Variants in GABRB1 observed in about 807,000 individuals in gnomAD.
GABRB1 encodes the protein gamma-aminobutyric acid type A receptor subunit beta1, also known as gamma-aminobutyric acid receptor subunit beta-1.
Under a neutral mutation model 51.6 loss-of-function variants are expected in GABRB1, and 17 were observed. The ratio of observed to expected loss-of-function variants is 0.33; its 90% confidence interval spans 0.23 to 0.49. GABRB1 has a LOEUF of 0.49. Ranked by LOEUF, GABRB1 falls within the 20% of genes least tolerant of loss-of-function variation. The pLI, the probability that GABRB1 is intolerant of heterozygous loss-of-function variation, is 0.99. For synonymous variants in GABRB1, 247 were observed against 218.9 expected, an observed-to-expected ratio of 1.13 and a Z score of -1.14; for missense variants, 410 against 600.6, an observed-to-expected ratio of 0.68 and a Z score of 3.32.
intron 4 of GABRB1, among the ~76,000 whole-genome samples, chr4:47,260,373 T>C (rs1465131182): frequency 5.3e-5 from 8 of 152,198 alleles, no homozygotes; most frequent in Non-Finnish European, 1.0e-4. Context: ...GTCATTATGA[T>C]GTTAGCTGGT....
rs774168539 is a variant in GABRB1, at chr4:47,070,270, G to A, written c.240+37786G>A. Among the ~76,000 whole-genome samples the A allele has an allele frequency of 2.4e-4, 36 of 151,680 alleles. No homozygotes were observed. In the East Asian group the frequency reaches 2.5e-3, roughly 11 times the overall value. On this transcript the variant is annotated intron_variant, in intron 3 of 8. Transcript: ENST00000295454. The stretch of plus-strand genomic sequence containing the variant: ...AGCCTGGTCTCAAACTCCTGACCTC[G>A]TGAGATCCACCTGCCTTGGCCTCCC...
chr4:47,390,386 C>A (rs1490321594), intron 5 of GABRB1, among the ~76,000 whole-genome samples: 1 of 152,214 alleles, frequency 6.6e-6, no homozygotes, highest in Non-Finnish European at 1.5e-5. Context: ...CATTTACGTA[C>A]AAGACTAGAC....
At chr4:47,236,242 A>T (rs1006902240) in intron 4 of GABRB1, among the ~76,000 whole-genome samples, 3 of 152,148 alleles carry the variant, frequency 2.0e-5, no homozygotes, top group Admixed American at 6.5e-5. Context: ...AACATCATTT[A>T]TTCTAAGACA....
intron 5 of GABRB1, among the ~76,000 whole-genome samples, chr4:47,380,459 G>A (rs1727555061): frequency 6.6e-6 from 1 of 152,170 alleles, no homozygotes; most frequent in Admixed American, 6.5e-5. Flanking sequence ...AAGCAATCTA[G>A]ATAAGGGATA....
intron 5 of GABRB1, among the ~76,000 whole-genome samples, chr4:47,395,440 C>A (rs886240061): frequency 1.3e-5 from 2 of 152,184 alleles, no homozygotes; most frequent in Admixed American, 1.3e-4. Flanking sequence ...AAAATCCACA[C>A]CCATAATCCA....
intron 3 of GABRB1, among the ~76,000 whole-genome samples, chr4:47,127,315 T>G (rs962499719): frequency 6.6e-6 from 1 of 151,808 alleles, no homozygotes; most frequent in Admixed American, 6.6e-5. Context: ...AATATATAGA[T>G]ATATGTGTGT....
At chr4:47,300,516 A>T (rs1000315379) in intron 4 of GABRB1, among the ~76,000 whole-genome samples, 1 of 152,160 alleles carries the variant, frequency 6.6e-6, no homozygotes, top group African/African-American at 2.4e-5. Context: ...TATTTTATTT[A>T]TATTAGCACT....
At chr4:47,083,995 C>G (rs1339195802) in intron 3 of GABRB1, among the ~76,000 whole-genome samples, 1 of 152,058 alleles carries the variant, frequency 6.6e-6, no homozygotes, top group East Asian at 1.9e-4. Flanking sequence ...GAAAAAATAT[C>G]TGTAAAAGAA....
intron 3 of GABRB1, among the ~76,000 whole-genome samples, chr4:47,109,388 G>GA (rs1217454616): frequency 4.6e-5 from 7 of 151,460 alleles, no homozygotes; most frequent in South Asian, 2.1e-4. Context: ...ATGAGAATCT[G>GA]AAAAAAAACA....
At position 47,155,916 on chromosome 4, in the gene GABRB1, CATATATATATATAT is replaced by C. The variant is rs10525795; in HGVS notation, c.241-5316_241-5303del. 1.3e-3 allele frequency among the ~76,000 whole-genome samples: 97 copies of C among 73,616 alleles called. 6 individuals carry two copies. The highest frequency in any genetic ancestry group is 2.9e-3 in the African/African-American group (75 of 26,124). The allele number at this position is 73,616 out of a possible 152,430, so 48.3% of individuals were successfully genotyped here. On this transcript the variant is annotated intron_variant, in intron 3 of 8. Transcript: ENST00000295454. ...TACTCATACTAAAAAGAGGTATTTTCATATATATATATATATATATATATATATATGAAACCACT... is the reference window on the plus strand; with the variant it reads ...TACTCATACTAAAAAGAGGTATTTTCATATATATATATATATGAAACCACT...
intron 4 of GABRB1, among the ~76,000 whole-genome samples, chr4:47,315,910 A>T (rs1724868700): frequency 6.6e-6 from 1 of 151,966 alleles, no homozygotes; most frequent in South Asian, 2.1e-4. Flanking sequence ...GAGGAAGGTG[A>T]GGATCGAAAA....
At chr4:47,133,359 CAG>C in intron 3 of GABRB1, among the ~76,000 whole-genome samples, 2 of 152,228 alleles carry the variant, frequency 1.3e-5, no homozygotes, top group Middle Eastern at 6.8e-3. Context: ...TGTGGGGAAA[CAG>C]AGCACTCTAA....
At chr4:47,379,624 T>A (rs1163348191) in intron 5 of GABRB1, among the ~76,000 whole-genome samples, 1 of 152,212 alleles carries the variant, frequency 6.6e-6, no homozygotes, top group Non-Finnish European at 1.5e-5. Flanking sequence ...TACTATACTA[T>A]AGCTAAACAT....
chr4:47,380,077 T>C (rs1006215555), intron 5 of GABRB1, among the ~76,000 whole-genome samples: 10 of 152,210 alleles, frequency 6.6e-5, no homozygotes, highest in Non-Finnish European at 1.3e-4. Context: ...TAGGGTGTTA[T>C]TTAATCACTA....
exon 1 of GABRB1, chr4:46,993,819 C>G (rs1053958164): frequency 4.6e-6 from 1 of 217,376 alleles, no homozygotes; most frequent in South Asian, 6.1e-5. Flanking sequence ...TCGCAGCCCC[C>G]GACCCCAAGT....
chr4:47,423,732 T>A (rs1354130110), intron 8 of GABRB1, among the ~76,000 whole-genome samples: 2 of 152,196 alleles, frequency 1.3e-5, no homozygotes, highest in East Asian at 3.9e-4. Flanking sequence ...CAAAGAATAT[T>A]CTGTTTTAAT....
At chr4:47,339,043 T>C (rs1321201895) in intron 5 of GABRB1, among the ~76,000 whole-genome samples, 1 of 152,202 alleles carries the variant, frequency 6.6e-6, no homozygotes, top group Non-Finnish European at 1.5e-5. Context: ...ACCCACAAAG[T>C]TTCTAGACTC....
intron 5 of GABRB1, among the ~76,000 whole-genome samples, chr4:47,378,807 T>C (rs1433954673): frequency 2.0e-5 from 3 of 152,008 alleles, no homozygotes; most frequent in African/African-American, 7.2e-5. Flanking sequence ...TTTAATTAAA[T>C]TATTTAATCT....
intron 3 of GABRB1, among the ~76,000 whole-genome samples, chr4:47,079,135 T>A (rs1727709579): frequency 6.6e-6 from 1 of 152,172 alleles, no homozygotes; most frequent in Non-Finnish European, 1.5e-5. Context: ...ATAAAATGAG[T>A]TAGGGAGGAT....
Sources: gnomAD v4.1 joint callset for allele counts (sites outside exome capture counted in the v4.1 genomes callset) on GRCh38, gnomAD v4.1.1 for gene constraint, MANE v1.5 for transcripts, NCBI Gene and HGNC (gene_info 2026-07-23, HGNC 2026-07-21) for gene names.